Variants in CDH4 observed in about 807,000 individuals in gnomAD.
CDH4 encodes cadherin-4.
In CDH4, 33 loss-of-function variants were observed where a neutral mutation model predicts 86.0. The observed-to-expected ratio is 0.38, with a 90% confidence interval of 0.29 to 0.51. The LOEUF is 0.51. Among genes scored for constraint, CDH4 ranks in the 20% least tolerant of loss-of-function variants. CDH4 has a pLI of 0.86. For missense variants in CDH4, 1,114 were observed against 1,307.4 expected, an observed-to-expected ratio of 0.85 and a Z score of 2.28; for synonymous variants, 555 against 549.4, an observed-to-expected ratio of 1.01 and a Z score of -0.14.
intron 2 of CDH4, among the ~76,000 whole-genome samples, chr20:61,732,595 G>A (rs1260314046): frequency 6.6e-6 from 1 of 152,152 alleles, no homozygotes; most frequent in African/African-American, 2.4e-5. Context: ...TCTTCATTCA[G>A]GTTGGCCTAT....
At chr20:61,591,112 G>A (rs1402716463) in intron 2 of CDH4, among the ~76,000 whole-genome samples, 1 of 152,030 alleles carries the variant, frequency 6.6e-6, no homozygotes, top group Non-Finnish European at 1.5e-5. Context: ...TACCAGGGCT[G>A]GACCTACTAA....
At position 61,516,857 on chromosome 20, in the gene CDH4, T is replaced by C. The variant is rs930122663; in HGVS notation, c.170-226706T>C. Among the ~76,000 whole-genome samples the C allele has an allele frequency of 5.9e-5, 9 of 152,214 alleles. No individual in the cohort carries two copies. Among genetic ancestry groups the C allele is most frequent in the African/African-American group, 2.2e-4 (9 of 41,466 alleles). On this transcript the variant is annotated intron_variant, in intron 2 of 15. Coordinates refer to ENST00000614565, the MANE Select transcript of CDH4 (RefSeq NM_001794.5). This position sits in a 1 kb window ranked among gnomAD's most constrained non-coding sequence, Gnocchi z 4.0. Reference sequence around the variant, plus strand: ...ACACAGCCCCTGCTCCCCTACTCCCTGGCTCCTCGTCCTAGCAAGGAGCTC... The same window carrying C: ...ACACAGCCCCTGCTCCCCTACTCCCCGGCTCCTCGTCCTAGCAAGGAGCTC...
intron 4 of CDH4, among the ~76,000 whole-genome samples, chr20:61,801,707 G>A (rs1476915681): frequency 6.6e-6 from 1 of 152,088 alleles, no homozygotes; most frequent in East Asian, 1.9e-4. Flanking sequence ...GTGGCTCCTG[G>A]CCCCTTGCTC....
At chr20:61,723,195 G>A (rs2088062332) in intron 2 of CDH4, among the ~76,000 whole-genome samples, 1 of 152,138 alleles carries the variant, frequency 6.6e-6, no homozygotes, top group South Asian at 2.1e-4. Flanking sequence ...ATCCTCACAC[G>A]GCTTCATGGA....
At position 61,868,751 on chromosome 20, in the gene CDH4, G is replaced by A. The variant is rs903296554; in HGVS notation, c.878-4977G>A. On this transcript the variant is annotated intron_variant, in intron 6 of 15. Coordinates refer to ENST00000614565, the MANE Select transcript of CDH4 (RefSeq NM_001794.5). ...CAGGTGTCCTCCTCCCTGGCCAGCT[G>A]GGTGCTTTCCTCCTGTGCTGGAGCT... 4.7e-5 allele frequency among the ~76,000 whole-genome samples: 4 copies of A among 84,964 alleles called. No individual in the cohort carries two copies. The Admixed American group carries it at 5.3e-4, about 11-fold the overall frequency. 55.7% of individuals were successfully genotyped at this position (84,964 alleles called of 152,430 possible).
intron 2 of CDH4, among the ~76,000 whole-genome samples, chr20:61,281,147 C>G (rs979989257): frequency 1.3e-5 from 2 of 152,184 alleles, no homozygotes; most frequent in African/African-American, 4.8e-5. Flanking sequence ...CCGTGCTTGG[C>G]TCTGTCATGG....
intron 2 of CDH4, among the ~76,000 whole-genome samples, chr20:61,698,184 C>T (rs1004884388): frequency 1.3e-5 from 2 of 152,210 alleles, no homozygotes; most frequent in African/African-American, 4.8e-5. Context: ...CGGACGGTCC[C>T]TGAGACTCTC....
At chr20:61,483,164 T>A (rs1407763264) in intron 2 of CDH4, among the ~76,000 whole-genome samples, 1 of 152,160 alleles carries the variant, frequency 6.6e-6, no homozygotes, top group Non-Finnish European at 1.5e-5. Flanking sequence ...CTAGTGGTAG[T>A]GAAGTAAGAC....
chr20:61,631,696 T>C (rs6089444), intron 2 of CDH4, among the ~76,000 whole-genome samples: 89,803 of 152,090 alleles, frequency 0.59, 26,685 homozygotes, highest in East Asian at 0.72. Context: ...CAGGTGCACC[T>C]CTGAGATTCT....
intron 2 of CDH4, among the ~76,000 whole-genome samples, chr20:61,520,853 G>A (rs890083384): frequency 1.3e-5 from 2 of 152,174 alleles, no homozygotes; most frequent in Admixed American, 1.3e-4. Flanking sequence ...ACTCTGGCAG[G>A]AAAATGAAGG....
intron 2 of CDH4, among the ~76,000 whole-genome samples, chr20:61,502,169 A>G (rs749457474): frequency 9.9e-5 from 15 of 152,214 alleles, no homozygotes; most frequent in Non-Finnish European, 1.3e-4. Context: ...AGAAACCATC[A>G]TAGGAAATGA....
intron 2 of CDH4, among the ~76,000 whole-genome samples, chr20:61,260,254 T>C (rs1262066586): frequency 2.6e-5 from 4 of 152,208 alleles, no homozygotes; most frequent in East Asian, 3.8e-4. Flanking sequence ...TGTGAATTGA[T>C]GTCTGCACCT....
chr20:61,578,355 A>G (rs963532340), intron 2 of CDH4, among the ~76,000 whole-genome samples: 10 of 152,212 alleles, frequency 6.6e-5, no homozygotes, highest in Non-Finnish European at 1.0e-4. Context: ...TGCTTTTGTC[A>G]GAAGATTCTC....
chr20:61,422,961 C>T (rs1016434839), intron 2 of CDH4, among the ~76,000 whole-genome samples: 5 of 152,134 alleles, frequency 3.3e-5, no homozygotes, highest in African/African-American at 1.2e-4. Context: ...TTTTATTGGG[C>T]TTAAAACCTT....
chr20:61,415,445 T>A (rs531789226), intron 2 of CDH4, among the ~76,000 whole-genome samples: 2 of 152,276 alleles, frequency 1.3e-5, no homozygotes, highest in South Asian at 4.1e-4. Context: ...ATTCACAGAG[T>A]CATGGAAACC....
chr20:61,578,249 G>A (rs1326755950), intron 2 of CDH4, among the ~76,000 whole-genome samples: 1 of 152,198 alleles, frequency 6.6e-6, no homozygotes, highest in East Asian at 1.9e-4. Context: ...CTGAGAATGT[G>A]TTGGGCACCA....
intron 4 of CDH4, among the ~76,000 whole-genome samples, chr20:61,841,423 C>T (rs1982166368): frequency 6.6e-6 from 1 of 152,186 alleles, no homozygotes; most frequent in Non-Finnish European, 1.5e-5. Flanking sequence ...TGCCCCATAC[C>T]CCCTCGTGAC....
chr20:61,378,664 C>G (rs1170927787), intron 2 of CDH4, among the ~76,000 whole-genome samples: 1 of 152,190 alleles, frequency 6.6e-6, no homozygotes, highest in Non-Finnish European at 1.5e-5. Context: ...TCACATCTGC[C>G]TGTAAATACC....
intron 2 of CDH4, among the ~76,000 whole-genome samples, chr20:61,400,776 G>A (rs1226064826): frequency 6.6e-6 from 1 of 152,200 alleles, no homozygotes; most frequent in Non-Finnish European, 1.5e-5. Context: ...TTCGGGGCCG[G>A]CCTGGCCCCA....
Sources: allele counts gnomAD v4.1 joint callset (sites outside exome capture counted in the v4.1 genomes callset), GRCh38; gene constraint gnomAD v4.1.1; non-coding constraint Gnocchi (gnomAD v3.1); transcripts MANE v1.5; gene names NCBI Gene and HGNC (gene_info 2026-07-23, HGNC 2026-07-21).